Variants in NSMCE2 observed in about 807,000 individuals in gnomAD.
The protein encoded by NSMCE2 is NSE2 SUMO ligase component of SMC5/6 complex, also known as E3 SUMO-protein ligase NSE2.
In NSMCE2, 24 loss-of-function variants were observed where a neutral mutation model predicts 23.8. The ratio of observed to expected loss-of-function variants is 1.01; its 90% CI spans 0.73 to 1.42. The LOEUF is 1.42. Among genes scored for constraint, NSMCE2 ranks in the 40% most tolerant of loss-of-function variants. NSMCE2 has a pLI of 0.00. For synonymous variants in NSMCE2, 92 were observed against 94.1 expected (o/e 0.98, Z 0.13); for missense variants, 284 against 296.5 (o/e 0.96, Z 0.31).
At chr8:125,096,844 C>T (rs778660346) in intron 1 of NSMCE2, among the ~76,000 whole-genome samples, 1 of 151,854 alleles carries the variant, frequency 6.6e-6, no homozygotes, top group African/African-American at 2.4e-5. Context: ...CTCCTGACCT[C>T]GAGTGATCAA....
intron 3 of NSMCE2, among the ~76,000 whole-genome samples, chr8:125,138,905 A>G (rs935376524): frequency 4.6e-5 from 7 of 152,170 alleles, no homozygotes; most frequent in Non-Finnish European, 7.3e-5. Context: ...ATTGAGGTGG[A>G]AGTAGTTAAC....
chr8:125,348,041 G>T (rs921787582), intron 5 of NSMCE2, among the ~76,000 whole-genome samples: 2 of 152,196 alleles, frequency 1.3e-5, no homozygotes, highest in African/African-American at 4.8e-5. Flanking sequence ...TCCTTCCACA[G>T]TATCTTGTAT....
chr8:125,229,090 C>A (rs1468470441), intron 5 of NSMCE2, among the ~76,000 whole-genome samples: 1 of 152,080 alleles, frequency 6.6e-6, no homozygotes, highest in African/African-American at 2.4e-5. Context: ...AATGAAGATA[C>A]TTCTAGTGGT....
intron 5 of NSMCE2, among the ~76,000 whole-genome samples, chr8:125,333,590 C>T (rs1468191559): frequency 7.4e-6 from 1 of 134,616 alleles, no homozygotes; most frequent in Non-Finnish European, 1.6e-5. Context: ...TCTCGGCTCA[C>T]TGCAAGCTCC....
At chr8:125,148,942 T>A (rs1244689255) in intron 3 of NSMCE2, among the ~76,000 whole-genome samples, 1 of 152,316 alleles carries the variant, frequency 6.6e-6, no homozygotes, top group East Asian at 1.9e-4. Flanking sequence ...TTCTTTATCA[T>A]GAAACAATAT....
At chr8:125,171,383 G>A (rs1202081288) in intron 4 of NSMCE2, among the ~76,000 whole-genome samples, 3 of 152,138 alleles carry the variant, frequency 2.0e-5, no homozygotes, top group Non-Finnish European at 4.4e-5. Flanking sequence ...TGGACTTAGC[G>A]ATATAACAGA....
At chr8:125,333,106 C>T (rs909536777) in intron 5 of NSMCE2, among the ~76,000 whole-genome samples, 9 of 152,088 alleles carry the variant, frequency 5.9e-5, no homozygotes, top group Non-Finnish European at 1.0e-4. Context: ...TTGGTCCCCA[C>T]TCCAGACCTG....
chr8:125,199,351 AT>A (rs1307428801), intron 5 of NSMCE2, among the ~76,000 whole-genome samples: 1 of 152,176 alleles, frequency 6.6e-6, no homozygotes, highest in Non-Finnish European at 1.5e-5. Flanking sequence ...ACTACTTTAA[AT>A]GCATCCCAGA....
chr8:125,194,069 A>G (rs766908677), intron 5 of NSMCE2, among the ~76,000 whole-genome samples: 5 of 152,210 alleles, frequency 3.3e-5, no homozygotes, highest in Non-Finnish European at 7.3e-5. Context: ...TTCATAAGGC[A>G]TATTTTAGCT....
chr8:125,102,383 G>A lies in NSMCE2; in HGVS notation c.53G>A (p.Ser18Asn), dbSNP rs1563650393. Residue 18 changes from serine to asparagine, a missense_variant, in exon 3 of 8, where the codon AGT becomes AAT. Transcript: ENST00000287437. ...NSGSTGFISFSGVESALSSLK... is the reference protein window; with the variant it reads ...NSGSTGFISFNGVESALSSLK... ...GGTTCAACTGGTTTCATCTCCTTCA[G>A]TGGTGTAGAGTCTGCTCTCTCCTCC... The A allele has an allele frequency of 6.2e-7, 1 of 1,613,616 alleles. No individual in the cohort carries two copies. Among genetic ancestry groups the A allele is most frequent in the Admixed American group, 1.7e-5 (1 of 60,030 alleles).
chr8:125,102,208 G>A (rs1046467521), intron 2 of NSMCE2, 62 bp downstream of exon 2: 1 of 753,778 alleles, frequency 1.3e-6, no homozygotes, highest in African/African-American at 1.7e-5. Flanking sequence ...TGGCATTTAT[G>A]AGATATTGGA....
At chr8:125,298,175 G>A (rs974932642) in intron 5 of NSMCE2, among the ~76,000 whole-genome samples, 4 of 151,622 alleles carry the variant, frequency 2.6e-5, no homozygotes, top group South Asian at 2.1e-4. Context: ...CCAGAGGATC[G>A]CTTGAACCTA....
At chr8:125,275,179 T>C (rs1369726716) in intron 5 of NSMCE2, among the ~76,000 whole-genome samples, 1 of 151,958 alleles carries the variant, frequency 6.6e-6, no homozygotes, top group Non-Finnish European at 1.5e-5. Context: ...CCATATCCTT[T>C]TCCTGTCCAT....
chr8:125,316,706 C>CTTTA (rs1169382539), intron 5 of NSMCE2, among the ~76,000 whole-genome samples: 1 of 86,224 alleles, frequency 1.2e-5, no homozygotes, highest in African/African-American at 3.3e-5. Context: ...TTCCTTCCTT[C>CTTTA]CTTCTTTCCT....
At chr8:125,305,863 A>G (rs536505048) in intron 5 of NSMCE2, among the ~76,000 whole-genome samples, 1 of 152,298 alleles carries the variant, frequency 6.6e-6, no homozygotes, top group Admixed American at 6.5e-5. Flanking sequence ...CAGAGCTTAT[A>G]GTCTAGTGGA....
At chr8:125,105,660 C>T (rs1208525176) in intron 3 of NSMCE2, among the ~76,000 whole-genome samples, 1 of 152,096 alleles carries the variant, frequency 6.6e-6, no homozygotes, top group Non-Finnish European at 1.5e-5. Flanking sequence ...TGGTTTCTGT[C>T]ACAACCCGCT....
chr8:125,124,468 A>T (rs1819416773), intron 3 of NSMCE2, among the ~76,000 whole-genome samples: 1 of 146,868 alleles, frequency 6.8e-6, no homozygotes, highest in South Asian at 2.1e-4. Flanking sequence ...ATTCCTCAGG[A>T]TTTCTCTCTC....
intron 5 of NSMCE2, among the ~76,000 whole-genome samples, chr8:125,305,398 C>T (rs1341231016): frequency 6.6e-6 from 1 of 152,152 alleles, no homozygotes; most frequent in African/African-American, 2.4e-5. Flanking sequence ...TCACTTTACA[C>T]CACAGCAGTA....
At chr8:125,278,399 G>A (rs1827558953) in intron 5 of NSMCE2, among the ~76,000 whole-genome samples, 1 of 152,182 alleles carries the variant, frequency 6.6e-6, no homozygotes, top group African/African-American at 2.4e-5. Flanking sequence ...GTTGGGGGTG[G>A]CACAGAAGCC....
Sources: allele counts gnomAD v4.1 joint callset (sites outside exome capture counted in the v4.1 genomes callset), GRCh38; gene constraint gnomAD v4.1.1; transcripts MANE v1.5; gene names NCBI Gene and HGNC (gene_info 2026-07-23, HGNC 2026-07-21).